The following TMEM117 variants were observed in gnomAD, a reference collection of about 807,000 sequenced individuals.
The protein encoded by TMEM117 is transmembrane protein 117.
TMEM117 carries 27 observed loss-of-function variants against 52.4 expected under a neutral mutation model. The observed-to-expected ratio is 0.51, with a 90% CI of 0.38 to 0.71. TMEM117 has a LOEUF of 0.71. Among genes scored for constraint, TMEM117 ranks in the 30% least tolerant of loss-of-function variants. TMEM117 has a pLI of 0.00. For missense variants in TMEM117, 556 were observed against 630.5 expected (o/e 0.88, Z 1.26); for synonymous variants, 215 against 206.3 (o/e 1.04, Z -0.36).
chr12:44,268,908 T>C (rs998877011), intron 5 of TMEM117, among the ~76,000 whole-genome samples: 10 of 152,188 alleles, frequency 6.6e-5, no homozygotes, highest in Non-Finnish European at 1.5e-4. Flanking sequence ...TCCCTTAAGA[T>C]AGCCATAATT....
intron 2 of TMEM117, among the ~76,000 whole-genome samples, chr12:43,930,598 T>TTTGA (rs1224222965): frequency 6.6e-6 from 1 of 152,210 alleles, no homozygotes; most frequent in African/African-American, 2.4e-5. Context: ...TTGCTTGCTT[T>TTTGA]TTGATGCCTT....
At chr12:43,797,548 T>C in the TMEM117 span, 1 of 1,354,074 alleles carries the variant, frequency 7.4e-7, no homozygotes, top group Non-Finnish European at 1.0e-6. Flanking sequence ...AGGAGGAACT[T>C]AGTTCTGGAT....
In TMEM117 at chr12:44,267,121, C is replaced by T. The variant is rs149174932; in HGVS notation, c.609-32459C>T. ...AATCTGAAGAGTATGTCCATCTTAACGGTGTTAAATCTTTCAACACATAAA... is the reference window on the plus strand; with the variant it reads ...AATCTGAAGAGTATGTCCATCTTAATGGTGTTAAATCTTTCAACACATAAA... On this transcript the variant is annotated intron_variant, in intron 5 of 7. Coordinates refer to ENST00000266534, the MANE Select transcript of TMEM117 (RefSeq NM_032256.3). Among the ~76,000 whole-genome samples the T allele has an allele frequency of 1.1e-4, 17 of 152,144 alleles. No homozygotes were observed. In the East Asian group the frequency reaches 1.2e-3, roughly 10 times the overall value.
chr12:44,310,570 G>A (rs142797161), intron 6 of TMEM117, among the ~76,000 whole-genome samples: 381 of 152,280 alleles, frequency 2.5e-3, no homozygotes, highest in African/African-American at 8.8e-3. Context: ...CCCTGGAGGC[G>A]GAGGTTGGGG....
chr12:44,203,374 A>G (rs1949523116), intron 4 of TMEM117, among the ~76,000 whole-genome samples: 1 of 152,064 alleles, frequency 6.6e-6, no homozygotes, highest in Non-Finnish European at 1.5e-5. Flanking sequence ...GTAGCACTCT[A>G]TCAATCTTGT....
At chr12:43,940,725 G>A (rs1361728926) in intron 2 of TMEM117, among the ~76,000 whole-genome samples, 3 of 151,992 alleles carry the variant, frequency 2.0e-5, no homozygotes, top group African/African-American at 7.3e-5. Flanking sequence ...TGTATTTTTA[G>A]TAGAAACCGG....
At chr12:44,005,549 C>G (rs1361541052) in intron 3 of TMEM117, among the ~76,000 whole-genome samples, 2 of 152,220 alleles carry the variant, frequency 1.3e-5, no homozygotes, top group African/African-American at 4.8e-5. Flanking sequence ...TCTGACACTT[C>G]AGGATGTTTC....
intron 3 of TMEM117, among the ~76,000 whole-genome samples, chr12:43,957,997 G>A (rs1343126008): frequency 1.3e-5 from 2 of 152,056 alleles, no homozygotes; most frequent in African/African-American, 4.8e-5. Context: ...GGAAAAGAAG[G>A]GTATCTTCCC....
intron 4 of TMEM117, among the ~76,000 whole-genome samples, chr12:44,158,041 G>C (rs904628873): frequency 6.6e-6 from 1 of 152,100 alleles, no homozygotes; most frequent in African/African-American, 2.4e-5. Flanking sequence ...TAGAGTCCAA[G>C]TAGCAGATTT....
rs375266243 is a variant in TMEM117, at chr12:44,173,524, G to A, written c.510+29900G>A. Among the ~76,000 whole-genome samples the A allele has an allele frequency of 6.1e-4, 92 of 151,768 alleles. 1 individual carries two copies. The South Asian group carries it at 0.018, about 30-fold the overall frequency. ...CTTCTTTTGAGTTTGGATGTGGATGGTTTTCATATGTTTGTGAGATGTGTG... is the reference window on the plus strand; with the variant it reads ...CTTCTTTTGAGTTTGGATGTGGATGATTTTCATATGTTTGTGAGATGTGTG... On this transcript the variant is annotated intron_variant, in intron 4 of 7. Coordinates refer to ENST00000266534, the MANE Select transcript of TMEM117 (RefSeq NM_032256.3).
At chr12:43,843,162 A>ACCCTCTTCC (rs368865786) in intron 1 of TMEM117, among the ~76,000 whole-genome samples, 2,018 of 152,092 alleles carry the variant, frequency 0.013, 33 homozygotes, top group African/African-American at 0.047. Context: ...TTTGTAAAGG[A>ACCCTCTTCC]CCCTCTTCCC....
At chr12:44,076,654 T>G (rs1320123098) in intron 3 of TMEM117, among the ~76,000 whole-genome samples, 1 of 152,234 alleles carries the variant, frequency 6.6e-6, no homozygotes, top group Non-Finnish European at 1.5e-5. Flanking sequence ...TAACCAGTGC[T>G]GATATATATT....
At chr12:44,128,828 G>A (rs536876176) in intron 3 of TMEM117, among the ~76,000 whole-genome samples, 24 of 152,238 alleles carry the variant, frequency 1.6e-4, no homozygotes, top group African/African-American at 3.6e-4. Context: ...ATAAATTTGG[G>A]CTGATATATT....
chr12:44,315,387 A>C (rs1951041177), intron 6 of TMEM117, among the ~76,000 whole-genome samples: 1 of 152,234 alleles, frequency 6.6e-6, no homozygotes, highest in African/African-American at 2.4e-5. Flanking sequence ...GTAGATGTTT[A>C]GAGCTATAAA....
chr12:44,108,199 A>C (rs949444211), intron 3 of TMEM117, among the ~76,000 whole-genome samples: 3 of 151,906 alleles, frequency 2.0e-5, no homozygotes, highest in South Asian at 4.1e-4. Flanking sequence ...AAATTTATTT[A>C]TTTATTTATT....
chr12:44,197,123 G>A (rs1949431249), intron 4 of TMEM117, among the ~76,000 whole-genome samples: 1 of 152,172 alleles, frequency 6.6e-6, no homozygotes, highest in South Asian at 2.1e-4. Flanking sequence ...GGGATAGCAT[G>A]TAGTAGGCAT....
Position 44,389,669 on chromosome 12 carries a change from T to G in TMEM117, c.*997T>G, listed in dbSNP as rs1952145826. On this transcript the variant is annotated 3_prime_UTR_variant, in exon 8 of 8. Transcript: ENST00000266534. ...GTAGAGAAGCCGTGCATGAAAGAAT[T>G]TGTTTAATGTCTTGTTTTGCGTATG... The G allele has an allele frequency of 6.6e-6, 1 of 152,608 alleles. No homozygotes were observed. Among genetic ancestry groups the G allele is most frequent in the African/African-American group, 2.4e-5 (1 of 41,460 alleles). The allele number at this position is 152,608 out of a possible 1,614,324, so 9.5% of individuals were successfully genotyped here.
chr12:44,376,831 G>A (rs905107262), intron 7 of TMEM117, 107 bp downstream of exon 7: 29 of 1,222,320 alleles, frequency 2.4e-5, no homozygotes, highest in Non-Finnish European at 2.9e-5. Context: ...TAAATACAAT[G>A]TTATTTCTCA....
chr12:44,380,092 G>T (rs751855786), intron 7 of TMEM117, among the ~76,000 whole-genome samples: 1 of 152,210 alleles, frequency 6.6e-6, no homozygotes, highest in African/African-American at 2.4e-5. Flanking sequence ...GCTGCTGAGA[G>T]ACATTTTCTA....
Sources: allele counts gnomAD v4.1 joint callset (sites outside exome capture counted in the v4.1 genomes callset), GRCh38; gene constraint gnomAD v4.1.1; transcripts MANE v1.5; gene names NCBI Gene and HGNC (gene_info 2026-07-23, HGNC 2026-07-21).